Variants in PRCC observed in about 807,000 individuals in gnomAD.
The protein encoded by PRCC is proline rich mitotic checkpoint control factor.
PRCC carries 10 observed loss-of-function variants against 44.0 expected under a neutral mutation model. That is an observed-to-expected ratio of 0.23 (90% CI 0.14 to 0.39). PRCC has a LOEUF of 0.39. Ranked by LOEUF, PRCC falls within the 10% of genes least tolerant of loss-of-function variation. PRCC has a pLI of 1.00. For synonymous variants in PRCC, 278 were observed against 259.5 expected, an observed-to-expected ratio of 1.07 and a Z score of -0.69; for missense variants, 573 against 624.7, an observed-to-expected ratio of 0.92 and a Z score of 0.88.
At chr1:156,790,348 C>T (rs557343916) in intron 3 of PRCC, among the ~76,000 whole-genome samples, 4 of 152,312 alleles carry the variant, frequency 2.6e-5, no homozygotes, top group South Asian at 2.1e-4. Flanking sequence ...ATAGGCTGGG[C>T]GTGGTGGCTC....
chr1:156,768,056 C>T lies in PRCC; in HGVS notation c.285C>T (p.Gly95=), dbSNP rs759560098. Reference sequence around the variant, plus strand: ...TGGGAGGCTTCCCCCCACCTCCAGGCGTGAGCCCGGCTGAAGCGGCGGGAG... The same window carrying T: ...TGGGAGGCTTCCCCCCACCTCCAGGTGTGAGCCCGGCTGAAGCGGCGGGAG... ...FGLGGFPPPP[G]VSPAEAAGVG... Residue 95 remains glycine (G), a synonymous_variant, in exon 1 of 7, where the codon GGC becomes GGT. Coordinates refer to ENST00000271526, the MANE Select transcript of PRCC (RefSeq NM_005973.5). 7.6e-6 allele frequency: 12 copies of T among 1,588,390 alleles called. No homozygotes were observed. The highest frequency in any genetic ancestry group is 1.7e-4 in the Middle Eastern group (1 of 5,942).
At chr1:156,788,687 G>T (rs1652365621) in intron 3 of PRCC, among the ~76,000 whole-genome samples, 1 of 138,270 alleles carries the variant, frequency 7.2e-6, no homozygotes, top group Admixed American at 7.6e-5. Flanking sequence ...TTTTGAGATG[G>T]AGTCTCGCTC....
At chr1:156,783,740 A>G (rs751994980) in intron 2 of PRCC, among the ~76,000 whole-genome samples, 4 of 151,998 alleles carry the variant, frequency 2.6e-5, no homozygotes, top group Non-Finnish European at 4.4e-5. Flanking sequence ...AGGAAGACTC[A>G]GTCAAAAAAA....
At chr1:156,790,820 TA>T (rs986341889) in intron 3 of PRCC, among the ~76,000 whole-genome samples, 19 of 152,234 alleles carry the variant, frequency 1.2e-4, no homozygotes, top group African/African-American at 2.4e-4. Flanking sequence ...AATACCATTA[TA>T]AAAAAAATCC....
At chr1:156,792,523 C>A (rs1026541855) in intron 4 of PRCC, among the ~76,000 whole-genome samples, 6 of 152,176 alleles carry the variant, frequency 3.9e-5, no homozygotes, top group Non-Finnish European at 7.3e-5. Flanking sequence ...TCTCAGCTCA[C>A]TGCAACCTCT....
At position 156,787,031 on chromosome 1, in the gene PRCC, G is replaced by A. The variant is rs766280782; in HGVS notation, c.940G>A (p.Asp314Asn). The A allele has an allele frequency of 1.2e-6, 2 of 1,614,124 alleles. No individual in the cohort carries two copies. The highest frequency in any genetic ancestry group is 1.3e-5 in the African/African-American group (1 of 74,942). The part of the protein sequence containing the change: ...PGTEPEPAFQ[D>N]DAANAPLEFK... ...CACGGAACCAGAGCCGGCTTTCCAG[G>A]ACGATGCAGCCAATGCCCCCCTTGA... The change falls in exon 3 of 7, where the codon GAC (aspartate) becomes AAC (asparagine). Residue 314 changes from aspartate (D) to asparagine (N), a missense_variant. Asp to Asn is a conservative substitution (Grantham distance 23). This residue lies in a region of PRCC where 141 missense variants were observed against 130.2 expected (regional missense o/e 1.08). Coordinates refer to ENST00000271526, the MANE Select transcript of PRCC (RefSeq NM_005973.5).
chr1:156,768,000 C>T lies in PRCC; in HGVS notation c.229C>T (p.Leu77Phe), dbSNP rs760003678. The T allele has an allele frequency of 1.3e-6, 2 of 1,571,614 alleles. No individual in the cohort carries two copies. Among genetic ancestry groups the T allele is most frequent in the East Asian group, 2.3e-5 (1 of 43,062 alleles). Residue 77 changes from leucine to phenylalanine, a missense_variant, in exon 1 of 7, where the codon CTT becomes TTT. By Grantham distance (22) the Leu-to-Phe change is conservative. Around this residue, in one of 4 missense-constraint regions of PRCC, gnomAD observed 245 missense variants for 188.5 expected, o/e 1.30. Coordinates refer to ENST00000271526, the MANE Select transcript of PRCC (RefSeq NM_005973.5). ...TCCCCCACCCACCGGAGACCCCAGG[C>T]TTCAGCCTCCTCCCCCCTTGCCCTT... ...LLPPPTGDPR[L>F]QPPPPLPFGL...
chr1:156,786,302 C>T (rs547568615), intron 2 of PRCC, among the ~76,000 whole-genome samples: 3 of 152,102 alleles, frequency 2.0e-5, no homozygotes, highest in South Asian at 2.1e-4. Context: ...TTAAGAGCAT[C>T]GTATTTGTTG....
intron 1 of PRCC, among the ~76,000 whole-genome samples, chr1:156,777,266 C>T (rs770927979): frequency 6.6e-6 from 1 of 152,068 alleles, no homozygotes; most frequent in Non-Finnish European, 1.5e-5. Flanking sequence ...TTGGTGTTCC[C>T]GCAAAAGCAC....
rs749805693 is a variant in PRCC, at chr1:156,786,857, G to T, written c.766G>T (p.Val256Leu). ...KAAAKSAALQ[V>L]TKQITQEEDD... ...TGCTGCCAAGAGTGCTGCCCTGCAG[G>T]TGACAAAGCAGATCACGCAGGAAGA... The change falls in exon 3 of 7, where the codon GTG becomes TTG. Residue 256 changes from valine (V) to leucine (L), a missense_variant. Val to Leu is a conservative substitution (Grantham distance 32). Coordinates refer to ENST00000271526, the MANE Select transcript of PRCC (RefSeq NM_005973.5). The T allele has an allele frequency of 1.9e-6, 3 of 1,614,218 alleles. No individual in the cohort carries two copies. The highest frequency in any genetic ancestry group is 1.1e-5 in the South Asian group (1 of 91,086).
At chr1:156,776,450 TC>T (rs1277576601) in intron 1 of PRCC, among the ~76,000 whole-genome samples, 1 of 143,228 alleles carries the variant, frequency 7.0e-6, no homozygotes, top group African/African-American at 2.5e-5. Context: ...AATAGACTGT[TC>T]CGAAGTCTTT....
intron 6 of PRCC, 95 bp downstream of exon 6, chr1:156,797,436 T>C: frequency 7.0e-7 from 1 of 1,435,764 alleles, no homozygotes; most frequent in Admixed American, 1.8e-5. Flanking sequence ...GATGCTTATC[T>C]TTTAGCAGCC....
intron 4 of PRCC, among the ~76,000 whole-genome samples, chr1:156,792,217 C>T (rs1047852175): frequency 1.3e-5 from 2 of 151,762 alleles, no homozygotes; most frequent in Non-Finnish European, 2.9e-5. Context: ...TCTTTCTGAT[C>T]ATCGCTTTGC....
intron 1 of PRCC, among the ~76,000 whole-genome samples, chr1:156,772,845 G>A (rs778642047): frequency 6.6e-6 from 1 of 152,194 alleles, no homozygotes; most frequent in Non-Finnish European, 1.5e-5. Flanking sequence ...ACTGTGCTGG[G>A]CACTTACTTT....
chr1:156,768,266 A>G (rs950408429), intron 1 of PRCC, 27 bp downstream of exon 1: 11 of 1,535,560 alleles, frequency 7.2e-6, no homozygotes, highest in Admixed American at 2.0e-5. Context: ...GGCACCCCCA[A>G]ACTGTCCATC....
intron 1 of PRCC, among the ~76,000 whole-genome samples, chr1:156,775,867 A>G (rs1003680101): frequency 6.6e-6 from 1 of 152,094 alleles, no homozygotes; most frequent in Non-Finnish European, 1.5e-5. Context: ...ACTTGTCTCA[A>G]AACTCCTGGG....
intron 1 of PRCC, among the ~76,000 whole-genome samples, chr1:156,777,768 A>G (rs947340874): frequency 6.6e-6 from 1 of 152,244 alleles, no homozygotes; most frequent in Admixed American, 6.5e-5. Context: ...CATCAGAGAG[A>G]CTTCTCAGGA....
At chr1:156,791,664 G>T (rs369737850) in intron 3 of PRCC, 33 bp from the exon 4 acceptor site, 5 of 1,591,560 alleles carry the variant, frequency 3.1e-6, no homozygotes, top group Non-Finnish European at 4.3e-6. Context: ...TGTGCCCTCA[G>T]TTGGTGTGTT....
chr1:156,767,661 C>G lies in PRCC; in HGVS notation c.-111C>G. ...AGCCCTAGAGTACGGAGCAGGCGGACTTTTCGGTTCCCCGCCCCGCCAGGT... is the reference window on the plus strand; with the variant it reads ...AGCCCTAGAGTACGGAGCAGGCGGAGTTTTCGGTTCCCCGCCCCGCCAGGT... On this transcript the variant is annotated 5_prime_UTR_variant, in exon 1 of 7. Transcript: ENST00000271526. The G allele has an allele frequency of 1.7e-6, 2 of 1,159,156 alleles. No individual in the cohort carries two copies. Among genetic ancestry groups the G allele is most frequent in the Non-Finnish European group, 2.4e-6 (2 of 835,566 alleles). 71.8% of individuals were successfully genotyped at this position (1,159,156 alleles called of 1,614,324 possible).
Sources: gnomAD v4.1 joint callset for allele counts (sites outside exome capture counted in the v4.1 genomes callset) on GRCh38, gnomAD v4.1.1 for gene constraint, gnomAD v4.1.1 regional missense constraint, MANE v1.5 for transcripts, NCBI Gene and HGNC (gene_info 2026-07-23, HGNC 2026-07-21) for gene names.